CDH13: variants seen among roughly 807,000 people sequenced by gnomAD.
CDH13 encodes cadherin-13.
Under a neutral mutation model 63.8 loss-of-function variants are expected in CDH13, and 24 were observed. The ratio of observed to expected loss-of-function variants is 0.38; its 90% confidence interval spans 0.27 to 0.53. The LOEUF is 0.53. Ranked by LOEUF, CDH13 falls within the 20% of genes least tolerant of loss-of-function variation. The pLI, the probability that CDH13 is intolerant of heterozygous loss-of-function variation, is 0.85. For missense variants in CDH13, 1,049 were observed against 903.1 expected (o/e 1.16, Z -2.07); for synonymous variants, 503 against 355.3 (o/e 1.42, Z -4.67).
chr16:82,785,482 T>C (rs1274818702), intron 1 of CDH13, among the ~76,000 whole-genome samples: 1 of 152,206 alleles, frequency 6.6e-6, no homozygotes, highest in African/African-American at 2.4e-5. Flanking sequence ...GCAGCACACC[T>C]GATGTCCGCA....
intron 9 of CDH13, among the ~76,000 whole-genome samples, chr16:83,671,689 G>A (rs1343583745): frequency 6.6e-6 from 1 of 152,170 alleles, no homozygotes; most frequent in African/African-American, 2.4e-5. Flanking sequence ...ATCTTCCTTA[G>A]TGAGCTCAAT....
At chr16:82,731,233 C>A (rs574123479) in intron 1 of CDH13, among the ~76,000 whole-genome samples, 1 of 152,060 alleles carries the variant, frequency 6.6e-6, no homozygotes, top group Non-Finnish European at 1.5e-5. Flanking sequence ...TTGTGGGCAC[C>A]GAACCCTCTG....
chr16:83,412,767 A>G (rs1250359657), intron 6 of CDH13, among the ~76,000 whole-genome samples: 1 of 152,220 alleles, frequency 6.6e-6, no homozygotes, highest in African/African-American at 2.4e-5. Flanking sequence ...GTGAAAGTGG[A>G]ACAATTCCAC....
At chr16:82,976,725 C>T (rs1375598886) in intron 2 of CDH13, among the ~76,000 whole-genome samples, 2 of 152,132 alleles carry the variant, frequency 1.3e-5, no homozygotes, top group African/African-American at 4.8e-5. Context: ...TTCTTTTACT[C>T]CCAAAACCAA....
chr16:83,530,204 A>T (rs1232690728), intron 7 of CDH13, among the ~76,000 whole-genome samples: 1 of 152,216 alleles, frequency 6.6e-6, no homozygotes, highest in Non-Finnish European at 1.5e-5. Flanking sequence ...TAATAGGTTA[A>T]ATGCTTTCAA....
At chr16:83,568,595 G>C (rs1029994253) in intron 7 of CDH13, among the ~76,000 whole-genome samples, 4 of 152,152 alleles carry the variant, frequency 2.6e-5, no homozygotes, top group African/African-American at 9.7e-5. Flanking sequence ...GTTCCCGAGT[G>C]GGGGCAGGGG....
At chr16:82,842,111 TG>T (rs1685792345) in intron 1 of CDH13, among the ~76,000 whole-genome samples, 1 of 50,380 alleles carries the variant, frequency 2.0e-5, no homozygotes, top group Non-Finnish European at 4.3e-5. Context: ...TATATATATA[TG>T]TATATATATA....
intron 6 of CDH13, among the ~76,000 whole-genome samples, chr16:83,378,663 C>T (rs2091500840): frequency 6.6e-6 from 1 of 152,052 alleles, no homozygotes; most frequent in Admixed American, 6.6e-5. Context: ...ATTTGCATGA[C>T]CTTAGGCAAG....
intron 5 of CDH13, among the ~76,000 whole-genome samples, chr16:83,249,220 A>T (rs893518551): frequency 3.9e-5 from 6 of 152,210 alleles, no homozygotes; most frequent in Non-Finnish European, 8.8e-5. Flanking sequence ...TAAGGAGAGA[A>T]CATCGTACCC....
intron 5 of CDH13, among the ~76,000 whole-genome samples, chr16:83,281,832 G>C (rs2089185196): frequency 6.6e-6 from 1 of 151,988 alleles, no homozygotes; most frequent in Non-Finnish European, 1.5e-5. Flanking sequence ...AGAATTGCTT[G>C]AACCCAAGAA....
At chr16:82,854,806 T>C (rs1356552044) in intron 1 of CDH13, among the ~76,000 whole-genome samples, 1 of 152,214 alleles carries the variant, frequency 6.6e-6, no homozygotes, top group East Asian at 1.9e-4. Context: ...ATTTTAATCT[T>C]GGTGAATCAC....
At chr16:82,972,517 A>T (rs1276518394) in intron 2 of CDH13, among the ~76,000 whole-genome samples, 1 of 152,104 alleles carries the variant, frequency 6.6e-6, no homozygotes, top group Non-Finnish European at 1.5e-5. Context: ...GGACCTGGGG[A>T]GGTTATTTCA....
At chr16:83,081,563 A>C (rs1418388140) in intron 3 of CDH13, among the ~76,000 whole-genome samples, 1 of 152,218 alleles carries the variant, frequency 6.6e-6, no homozygotes, top group Non-Finnish European at 1.5e-5. Flanking sequence ...GAAAACAAAC[A>C]TTTATTTCTC....
chr16:82,820,368 T>A (rs940824346), intron 1 of CDH13, among the ~76,000 whole-genome samples: 1 of 152,198 alleles, frequency 6.6e-6, no homozygotes, highest in Non-Finnish European at 1.5e-5. Flanking sequence ...TCTAAATGCT[T>A]CATGGATATT....
chr16:83,615,912 A>G (rs1044260114), intron 8 of CDH13, among the ~76,000 whole-genome samples: 3 of 152,196 alleles, frequency 2.0e-5, no homozygotes, highest in Non-Finnish European at 2.9e-5. Context: ...GAAAGGGGTG[A>G]GTTCATCACT....
At chr16:83,565,975 C>T (rs1477035007) in intron 7 of CDH13, among the ~76,000 whole-genome samples, 1 of 152,188 alleles carries the variant, frequency 6.6e-6, no homozygotes, top group Non-Finnish European at 1.5e-5. Flanking sequence ...ATAGCGTTTG[C>T]ACTCCATTGC....
intron 5 of CDH13, among the ~76,000 whole-genome samples, chr16:83,316,382 C>G (rs2090105718): frequency 1.3e-5 from 2 of 152,176 alleles, no homozygotes; most frequent in African/African-American, 4.8e-5. Flanking sequence ...TGAACTATTT[C>G]ATATGTGTCA....
intron 2 of CDH13, among the ~76,000 whole-genome samples, chr16:82,860,387 GT>G (rs1311533949): frequency 0.16 from 8,452 of 54,060 alleles, 1,365 homozygotes; most frequent in East Asian, 0.59. Flanking sequence ...GTGTGTGTGT[GT>G]GGGGGGGGGG....
intron 1 of CDH13, 109 bp from the exon 2 acceptor site, chr16:82,858,253 A>C (rs1268876284): frequency 1.5e-6 from 1 of 666,010 alleles, no homozygotes; most frequent in African/African-American, 1.8e-5. Flanking sequence ...TTCATTTGGG[A>C]AATGAAATCA....
Sources: allele counts gnomAD v4.1 joint callset (sites outside exome capture counted in the v4.1 genomes callset), GRCh38; gene constraint gnomAD v4.1.1; transcripts MANE v1.5; gene names NCBI Gene and HGNC (gene_info 2026-07-23, HGNC 2026-07-21).